RARS1: variants seen among roughly 807,000 people sequenced by gnomAD.
RARS1 encodes arginine--tRNA ligase, cytoplasmic.
In RARS1, 75 loss-of-function variants were observed where a neutral mutation model predicts 78.7. The ratio of observed to expected loss-of-function variants is 0.95; its 90% CI spans 0.79 to 1.15. The LOEUF is 1.15. Among genes scored for constraint, RARS1 ranks in the 50% most tolerant of loss-of-function variants. The probability of loss-of-function intolerance (pLI) is 0.00; values close to 1 mark genes in which losing one functional copy is unlikely to be tolerated. For synonymous variants in RARS1, 273 were observed against 268.2 expected (o/e 1.02, Z -0.18); for missense variants, 787 against 787.5 (o/e 1.00, Z 0.01).
intron 13 of RARS1, 24 bp downstream of exon 13, chr5:168,516,974 T>C: frequency 6.3e-7 from 1 of 1,597,644 alleles, no homozygotes; most frequent in Non-Finnish European, 8.6e-7. Context: ...GGCATTGTTT[T>C]ATTGTGAATC....
chr5:168,493,599 A>G (rs1179332285), intron 3 of RARS1, among the ~76,000 whole-genome samples: 1 of 136,816 alleles, frequency 7.3e-6, no homozygotes, highest in Admixed American at 8.4e-5. Context: ...ACACCACTGC[A>G]CTCCAGCCTG....
At chr5:168,505,689 C>A (rs1224937782) in intron 9 of RARS1, among the ~76,000 whole-genome samples, 1 of 129,398 alleles carries the variant, frequency 7.7e-6, no homozygotes, top group Non-Finnish European at 1.5e-5. Flanking sequence ...GCCTGGGCAA[C>A]GTAGCAAGAC....
chr5:168,492,525 G>A (rs1362423428), intron 2 of RARS1, 134 bp from the exon 3 acceptor site: 2 of 687,916 alleles, frequency 2.9e-6, no homozygotes, highest in African/African-American at 1.8e-5. Context: ...CAGATTGAGG[G>A]CATCACACCA....
intron 10 of RARS1, 150 bp from the exon 11 acceptor site, chr5:168,506,572 G>A (rs1278963411): frequency 8.2e-6 from 5 of 612,574 alleles, no homozygotes; most frequent in Non-Finnish European, 1.4e-5. Flanking sequence ...CATATATAGG[G>A]AATAAAAGAA....
In RARS1 at chr5:168,517,028, T is replaced by G. The variant is rs149729875; in HGVS notation, c.1625+78T>G. 4.2e-3 allele frequency: 6,118 copies of G among 1,463,118 alleles called. 29 individuals carry two copies. The highest frequency in any genetic ancestry group is 4.6e-3 in the Non-Finnish European group (4,913 of 1,076,496). The allele number at this position is 1,463,118 out of a possible 1,614,324, so 90.6% of individuals were successfully genotyped here. A position where few individuals can be genotyped will look rare whatever the true frequency, so the allele number is the denominator to read the frequency against. ...TTACTCAAAAATATTTTCTTTTTTTTTTTTTGAAATGAGACGGGGTCTTGG... is the reference window on the plus strand; with the variant it reads ...TTACTCAAAAATATTTTCTTTTTTTGTTTTTGAAATGAGACGGGGTCTTGG... On this transcript the variant is annotated intron_variant, in intron 13 of 14. Transcript: ENST00000231572.
rs200289758 is a variant in RARS1 at position 168,518,016 on chromosome 5, A to G, written c.1827A>G (p.Thr609=). The G allele has an allele frequency of 6.3e-7, 1 of 1,581,958 alleles. No individual in the cohort carries two copies. Among genetic ancestry groups the G allele is most frequent in the East Asian group, 2.6e-5 (1 of 39,022 alleles). Residue 609 remains threonine, a synonymous_variant, in exon 14 of 15, where the codon ACA becomes ACG. Transcript: ENST00000231572. ...TATATGAGCTGGCAACTGCTTTCAC[A>G]GAGTTCTATGATAGCTGCTACTGTG... is the stretch of plus-strand genomic sequence containing the variant. ...DYIYELATAF[T]EFYDSCYCVE...
In RARS1 at chr5:168,489,793, A is replaced by G. The variant is rs558580886; in HGVS notation, c.180+1057A>G. ...CTTAGACTCTATCTTCCCCACTCCC[A>G]TGACATCTCTCATATTATCTTTTTT... On this transcript the variant is annotated intron_variant, in intron 2 of 14. Coordinates refer to ENST00000231572, the MANE Select transcript of RARS1 (RefSeq NM_002887.4). Among the ~76,000 whole-genome samples, 4 of 149,638 alleles carry G rather than the reference A, an allele frequency of 2.7e-5. No homozygotes were observed. In the South Asian group the frequency reaches 8.5e-4, roughly 32 times the overall value.
At chr5:168,513,283 C>CT (rs1383507266) in intron 12 of RARS1, among the ~76,000 whole-genome samples, 2 of 146,742 alleles carry the variant, frequency 1.4e-5, no homozygotes, top group Non-Finnish European at 3.0e-5. Flanking sequence ...TGGTCTCAAT[C>CT]TCGTGACCTC....
At chr5:168,493,078 A>G in intron 3 of RARS1, 1 of 414,754 alleles carries the variant, frequency 2.4e-6, no homozygotes, top group East Asian at 3.6e-5. Flanking sequence ...AAGGGCAATC[A>G]TTGGTACTCT....
At chr5:168,509,677 T>C (rs1414086711) in intron 11 of RARS1, among the ~76,000 whole-genome samples, 1 of 130,462 alleles carries the variant, frequency 7.7e-6, no homozygotes, top group Non-Finnish European at 1.6e-5. Flanking sequence ...TTTTTTTTTT[T>C]AAAGGAACTG....
chr5:168,496,108 C>T (rs1000322659), intron 6 of RARS1, among the ~76,000 whole-genome samples: 17 of 152,046 alleles, frequency 1.1e-4, no homozygotes, highest in African/African-American at 3.9e-4. Context: ...AGGCCAGGCA[C>T]GGTGGCTCAC....
At chr5:168,498,202 G>T (rs55966278) in intron 7 of RARS1, among the ~76,000 whole-genome samples, 7,230 of 152,040 alleles carry the variant, frequency 0.048, 244 homozygotes, top group Middle Eastern at 0.068. Flanking sequence ...CTGCGCTCCA[G>T]CCTGGGTGAC....
chr5:168,516,724 A>G, intron 12 of RARS1, 54 bp from the exon 13 acceptor site: 2 of 1,566,676 alleles, frequency 1.3e-6, no homozygotes, highest in Non-Finnish European at 1.7e-6. Flanking sequence ...ATGAGACACC[A>G]GGGCAGAAGC....
At position 168,486,519 on chromosome 5, in the gene RARS1, G is replaced by A. The variant is rs1430275228; in HGVS notation, c.21G>A (p.Glu7=). 1 of 1,559,272 alleles carries A rather than the reference G, an allele frequency of 6.4e-7. No homozygotes were observed. The highest frequency in any genetic ancestry group is 8.7e-7 in the Non-Finnish European group (1 of 1,150,716). The change falls in exon 1 of 15, where the codon GAG becomes GAA. Residue 7 remains glutamate (E), a synonymous_variant. Coordinates refer to ENST00000231572, the MANE Select transcript of RARS1 (RefSeq NM_002887.4). ...GGAGGATGGACGTACTGGTGTCTGA[G>A]TGCTCCGCGCGGCTGCTGCAGCAGG... MDVLVS[E]CSARLLQQEE...
At chr5:168,515,070 T>G (rs538838944) in intron 12 of RARS1, among the ~76,000 whole-genome samples, 1 of 152,318 alleles carries the variant, frequency 6.6e-6, no homozygotes, top group Non-Finnish European at 1.5e-5. Context: ...ATGATATTGA[T>G]AAGCTTCATA....
Position 168,517,865 on chromosome 5 carries a change from C to T in RARS1, c.1676C>T (p.Ala559Val). Residue 559 changes from alanine (A) to valine (V), a missense_variant, in exon 14 of 15, where the codon GCT (alanine) becomes GTT (valine). By Grantham distance (64) the Ala-to-Val change is moderately conservative. Transcript: ENST00000231572. The part of the protein sequence containing the change: ...NIDEEMLQKA[A>V]RETKILLDHE... Reference sequence around the variant, plus strand: ...GATGAAGAAATGCTCCAAAAAGCTGCTCGAGAAACCAAGATTCTTTTGGAT... The same window carrying T: ...GATGAAGAAATGCTCCAAAAAGCTGTTCGAGAAACCAAGATTCTTTTGGAT... 1 of 1,613,662 alleles carries T rather than the reference C, an allele frequency of 6.2e-7. No individual in the cohort carries two copies. Among genetic ancestry groups the T allele is most frequent in the Non-Finnish European group, 8.5e-7 (1 of 1,179,922 alleles).
At chr5:168,504,685 C>T (rs1582436159) in intron 9 of RARS1, among the ~76,000 whole-genome samples, 2 of 148,966 alleles carry the variant, frequency 1.3e-5, no homozygotes, top group African/African-American at 5.0e-5. Context: ...ATTAGCTGGG[C>T]GTGTTGGCAG....
chr5:168,517,099 C>G (rs548921348), intron 13 of RARS1, 149 bp downstream of exon 13: 3 of 792,998 alleles, frequency 3.8e-6, no homozygotes, highest in African/African-American at 3.5e-5. Context: ...GCTGGGATTA[C>G]TGACATACCA....
At chr5:168,490,623 A>G (rs1224152137) in intron 2 of RARS1, among the ~76,000 whole-genome samples, 1 of 152,224 alleles carries the variant, frequency 6.6e-6, no homozygotes, top group Non-Finnish European at 1.5e-5. Context: ...GTAATAAAGT[A>G]CTGTGTGTGA....
Sources: allele counts gnomAD v4.1 joint callset (sites outside exome capture counted in the v4.1 genomes callset), GRCh38; gene constraint gnomAD v4.1.1; transcripts MANE v1.5; gene names NCBI Gene and HGNC (gene_info 2026-07-23, HGNC 2026-07-21).